Variants in NDC1 observed in about 807,000 individuals in gnomAD.
NDC1 encodes NDC1 transmembrane nucleoporin, also known as nucleoporin NDC1.
A neutral mutation model predicts 89.8 loss-of-function variants in NDC1; 24 were observed. That is an observed-to-expected ratio of 0.27 (90% CI 0.19 to 0.38). The LOEUF (loss-of-function observed/expected upper bound fraction) is 0.38. Ranked by LOEUF, NDC1 falls within the 10% of genes least tolerant of loss-of-function variation. The pLI is 1.00. For missense variants in NDC1, 728 were observed against 797.6 expected (o/e 0.91, Z 1.05); for synonymous variants, 296 against 284.8 (o/e 1.04, Z -0.39).
chr1:53,793,724 TG>T (rs917079048), intron 13 of NDC1, among the ~76,000 whole-genome samples: 102 of 152,178 alleles, frequency 6.7e-4, no homozygotes, highest in African/African-American at 2.5e-3. Flanking sequence ...CCTGGGTAGC[TG>T]GGAATACAGG....
intron 17 of NDC1, among the ~76,000 whole-genome samples, chr1:53,770,020 A>T (rs1424056708): frequency 2.6e-5 from 4 of 152,188 alleles, no homozygotes; most frequent in African/African-American, 9.7e-5. Context: ...GCAGACAGAA[A>T]TCCAGATATT....
At chr1:53,836,812 A>G (rs1276802904) in intron 1 of NDC1, among the ~76,000 whole-genome samples, 2 of 152,228 alleles carry the variant, frequency 1.3e-5, no homozygotes, top group African/African-American at 2.4e-5. Flanking sequence ...AAAATGGATT[A>G]AAGACCTACA....
At chr1:53,789,278 C>A in intron 14 of NDC1, 82 bp from the exon 15 acceptor site, 1 of 786,602 alleles carries the variant, frequency 1.3e-6, no homozygotes, top group South Asian at 1.8e-5. Context: ...ATGTAGACCA[C>A]AAAACAAAAA....
intron 16 of NDC1, among the ~76,000 whole-genome samples, chr1:53,781,400 A>T (rs919817002): frequency 4.6e-5 from 7 of 152,224 alleles, no homozygotes; most frequent in African/African-American, 1.7e-4. Context: ...GAGAAATGGT[A>T]ATCATTCAAA....
chr1:53,827,966 G>C, intron 4 of NDC1, 33 bp downstream of exon 4: 1 of 1,521,128 alleles, frequency 6.6e-7, no homozygotes. Flanking sequence ...GTAAGTAAAT[G>C]AGATTCCTAA....
intron 16 of NDC1, among the ~76,000 whole-genome samples, chr1:53,779,645 T>A (rs1186659185): frequency 1.3e-5 from 2 of 152,192 alleles, no homozygotes; most frequent in Non-Finnish European, 2.9e-5. Flanking sequence ...AAAACCCTAG[T>A]TTCCAATTCT....
At chr1:53,818,023 T>G (rs1301289672) in intron 6 of NDC1, among the ~76,000 whole-genome samples, 1 of 152,116 alleles carries the variant, frequency 6.6e-6, no homozygotes, top group Non-Finnish European at 1.5e-5. Context: ...AAGTTACAAA[T>G]TATAAAAAGG....
At chr1:53,770,707 T>A (rs1165275019) in intron 17 of NDC1, among the ~76,000 whole-genome samples, 1 of 151,970 alleles carries the variant, frequency 6.6e-6, no homozygotes, top group Admixed American at 6.6e-5. Context: ...CAGGCTGGAG[T>A]ACAGAGGCAC....
chr1:53,768,782 C>A (rs577925243), intron 17 of NDC1, among the ~76,000 whole-genome samples: 2 of 152,264 alleles, frequency 1.3e-5, no homozygotes, highest in African/African-American at 4.8e-5. Flanking sequence ...TTATAGACAT[C>A]TTTGCTTTCT....
At chr1:53,831,449 C>T (rs577644852) in intron 3 of NDC1, among the ~76,000 whole-genome samples, 1 of 151,904 alleles carries the variant, frequency 6.6e-6, no homozygotes, top group East Asian at 1.9e-4. Flanking sequence ...AGGCCGAGGG[C>T]AGATCACAAG....
chr1:53,778,260 TACACACACACACACAC>T (rs202023880), intron 16 of NDC1, among the ~76,000 whole-genome samples: 14 of 144,700 alleles, frequency 9.7e-5, no homozygotes, highest in Admixed American at 6.2e-4. Flanking sequence ...TGTGTGTATA[TACACACACACACACAC>T]ACACACACAC....
intron 16 of NDC1, among the ~76,000 whole-genome samples, chr1:53,780,310 G>C (rs190320508): frequency 1.6e-3 from 239 of 152,212 alleles, no homozygotes; most frequent in Middle Eastern, 0.014. Flanking sequence ...CTGACCTCAG[G>C]TGATCCACCC....
At chr1:53,826,490 T>C (rs1369959152) in intron 4 of NDC1, among the ~76,000 whole-genome samples, 1 of 152,172 alleles carries the variant, frequency 6.6e-6, no homozygotes, top group Non-Finnish European at 1.5e-5. Flanking sequence ...ATGGGACTTA[T>C]CATCTGTTTG....
intron 10 of NDC1, among the ~76,000 whole-genome samples, chr1:53,803,336 G>T (rs551637175): frequency 4.6e-5 from 7 of 152,226 alleles, no homozygotes; most frequent in Non-Finnish European, 1.0e-4. Flanking sequence ...CAAAGTGCTA[G>T]GATTACAGGG....
At position 53,819,091 on chromosome 1, in the gene NDC1, A is replaced by C. The variant is rs1648573624; in HGVS notation, c.595-12T>G. 1.5e-6 allele frequency: 2 copies of C among 1,320,114 alleles called. No individual in the cohort carries two copies. Among genetic ancestry groups the C allele is most frequent in the South Asian group, 1.3e-5 (1 of 76,660 alleles). 81.8% of individuals were successfully genotyped at this position (1,320,114 alleles called of 1,614,324 possible). Reference sequence around the variant, plus strand: ...AAGAACTTGTATTGCTGTGGGGAAAAAAAAAAGAATCAAATGACACATTCA... The same window carrying C: ...AAGAACTTGTATTGCTGTGGGGAAACAAAAAAGAATCAAATGACACATTCA... On this transcript the variant is annotated splice_polypyrimidine_tract_variant and intron_variant, in intron 5 of 17. Coordinates refer to ENST00000371429, the MANE Select transcript of NDC1 (RefSeq NM_018087.5).
At chr1:53,793,778 A>G (rs191316146) in intron 13 of NDC1, among the ~76,000 whole-genome samples, 5 of 152,000 alleles carry the variant, frequency 3.3e-5, no homozygotes, top group Admixed American at 6.6e-5. Context: ...TTTTGTACAG[A>G]CAGGGTCTCA....
Position 53,788,297 on chromosome 1 carries a change from A to C in NDC1, c.1699+836T>G, listed in dbSNP as rs1647372015. ...AGACACAGCAAGACTCCATCTCTTCAAACAAACAAACAAAAAGACTAAGTG... is the reference window on the plus strand; with the variant it reads ...AGACACAGCAAGACTCCATCTCTTCCAACAAACAAACAAAAAGACTAAGTG... On this transcript the variant is annotated intron_variant, in intron 15 of 17. Transcript: ENST00000371429. Among the ~76,000 whole-genome samples, 3 of 152,198 alleles carry C rather than the reference A, an allele frequency of 2.0e-5. No homozygotes were observed. In the South Asian group the frequency reaches 6.2e-4, roughly 32 times the overall value.
At chr1:53,789,061 C>T (rs1281645474) in intron 15 of NDC1, 72 bp downstream of exon 15, 8 of 997,130 alleles carry the variant, frequency 8.0e-6, no homozygotes, top group Non-Finnish European at 1.3e-5. Context: ...CCAGAACTGA[C>T]CTTTCATGAA....
chr1:53,792,172 G>C (rs1160858178), intron 14 of NDC1, among the ~76,000 whole-genome samples: 1 of 152,100 alleles, frequency 6.6e-6, no homozygotes, highest in Non-Finnish European at 1.5e-5. Context: ...TTGATCTCCT[G>C]ACCTCGTGAT....
Sources: allele counts gnomAD v4.1 joint callset (sites outside exome capture counted in the v4.1 genomes callset), GRCh38; gene constraint gnomAD v4.1.1; transcripts MANE v1.5; gene names NCBI Gene and HGNC (gene_info 2026-07-23, HGNC 2026-07-21).